GALNTL6: variants seen among roughly 807,000 people sequenced by gnomAD.
The protein encoded by GALNTL6 is polypeptide N-acetylgalactosaminyltransferase-like 6.
A neutral mutation model predicts 73.7 loss-of-function variants in GALNTL6; 46 were observed. The observed-to-expected ratio is 0.62, with a 90% CI of 0.49 to 0.80. The LOEUF (loss-of-function observed/expected upper bound fraction) is 0.80. Among genes scored for constraint, GALNTL6 ranks in the 30% least tolerant of loss-of-function variants. The probability of loss-of-function intolerance (pLI) is 0.00; values close to 1 mark genes in which losing one functional copy is unlikely to be tolerated. For missense variants in GALNTL6, 604 were observed against 755.0 expected (o/e 0.80, Z 2.34); for synonymous variants, 259 against 263.7 (o/e 0.98, Z 0.17).
chr4:172,277,868 A>G (rs1371616206), intron 3 of GALNTL6, among the ~76,000 whole-genome samples: 1 of 152,228 alleles, frequency 6.6e-6, no homozygotes, highest in Non-Finnish European at 1.5e-5. Flanking sequence ...ATGCAAATCC[A>G]GAATATGTTA....
At chr4:171,907,526 T>C (rs1484776787) in intron 2 of GALNTL6, among the ~76,000 whole-genome samples, 2 of 151,964 alleles carry the variant, frequency 1.3e-5, no homozygotes, top group Non-Finnish European at 2.9e-5. Flanking sequence ...TATTCCATGC[T>C]CATGGGTAGG....
At chr4:172,703,143 T>A (rs1734126973) in intron 5 of GALNTL6, among the ~76,000 whole-genome samples, 1 of 152,020 alleles carries the variant, frequency 6.6e-6, no homozygotes, top group African/African-American at 2.4e-5. Flanking sequence ...CTTATATTTT[T>A]AAAAAATCTT....
intron 3 of GALNTL6, among the ~76,000 whole-genome samples, chr4:172,294,384 A>G (rs981604960): frequency 6.6e-6 from 1 of 152,196 alleles, no homozygotes; most frequent in Non-Finnish European, 1.5e-5. Context: ...TGTTCAGTCC[A>G]TGACATTCTG....
intron 3 of GALNTL6, among the ~76,000 whole-genome samples, chr4:172,259,227 T>C (rs933708337): frequency 3.3e-5 from 5 of 151,490 alleles, no homozygotes; most frequent in African/African-American, 1.2e-4. Flanking sequence ...CCACCAACAG[T>C]GTAAAAGTGT....
At chr4:172,560,367 G>A (rs1477476940) in intron 5 of GALNTL6, among the ~76,000 whole-genome samples, 1 of 151,934 alleles carries the variant, frequency 6.6e-6, no homozygotes, top group Non-Finnish European at 1.5e-5. Flanking sequence ...GCGTGATGGT[G>A]CACACCTATA....
chr4:172,305,303 G>C (rs1019681619), intron 3 of GALNTL6, among the ~76,000 whole-genome samples: 1 of 151,980 alleles, frequency 6.6e-6, no homozygotes, highest in Non-Finnish European at 1.5e-5. Context: ...TAGTATCAAA[G>C]ACATATTTGT....
chr4:171,892,853 T>C (rs1312127425), intron 2 of GALNTL6, among the ~76,000 whole-genome samples: 1 of 152,198 alleles, frequency 6.6e-6, no homozygotes. Flanking sequence ...TGAGCCCCCA[T>C]GCTCAGCCAC....
intron 5 of GALNTL6, among the ~76,000 whole-genome samples, chr4:172,679,275 G>T (rs1307671654): frequency 6.6e-6 from 1 of 152,062 alleles, no homozygotes; most frequent in Admixed American, 6.5e-5. Flanking sequence ...GCCTGGTGTG[G>T]TGGCAGGCGC....
At chr4:172,030,492 C>A (rs1741733909) in intron 2 of GALNTL6, among the ~76,000 whole-genome samples, 2 of 152,030 alleles carry the variant, frequency 1.3e-5, no homozygotes, top group South Asian at 4.2e-4. Flanking sequence ...AGGTGGATCA[C>A]CTGAGGTCAG....
chr4:171,832,367 T>C (rs1436479967), intron 2 of GALNTL6, among the ~76,000 whole-genome samples: 1 of 151,538 alleles, frequency 6.6e-6, no homozygotes, highest in East Asian at 1.9e-4. Context: ...ATCTCATGAA[T>C]TAATTTATTT....
At chr4:172,503,472 A>G (rs1734332766) in intron 5 of GALNTL6, among the ~76,000 whole-genome samples, 1 of 148,144 alleles carries the variant, frequency 6.8e-6, no homozygotes, top group South Asian at 2.1e-4. Context: ...TTTTCAATAC[A>G]GGATCATGAG....
At chr4:172,495,417 GGT>G (rs1323401275) in intron 5 of GALNTL6, among the ~76,000 whole-genome samples, 1 of 152,168 alleles carries the variant, frequency 6.6e-6, no homozygotes, top group Non-Finnish European at 1.5e-5. Context: ...ACTATTAGCT[GGT>G]TAACACTTTC....
chr4:172,314,915 A>G (rs1740491585), intron 4 of GALNTL6, among the ~76,000 whole-genome samples: 1 of 151,866 alleles, frequency 6.6e-6, no homozygotes, highest in African/African-American at 2.4e-5. Context: ...AGGCCTGCAT[A>G]GGGATTTTTT....
At chr4:172,548,032 G>A (rs953689670) in intron 5 of GALNTL6, among the ~76,000 whole-genome samples, 8 of 152,162 alleles carry the variant, frequency 5.3e-5, no homozygotes, top group Non-Finnish European at 8.8e-5. Flanking sequence ...AGACAAGAAA[G>A]ACAAATGACT....
chr4:172,876,687 T>C (rs775043062), intron 7 of GALNTL6, among the ~76,000 whole-genome samples: 19 of 152,154 alleles, frequency 1.2e-4, no homozygotes, highest in Non-Finnish European at 2.2e-4. Context: ...GTAAACAAAT[T>C]ATAAAAAATG....
chr4:172,052,488 C>G, intron 2 of GALNTL6: 2 of 1,535,194 alleles, frequency 1.3e-6, no homozygotes, highest in South Asian at 1.2e-5. Flanking sequence ...CAGAGGAATC[C>G]AAGCATTAGT....
In GALNTL6 at chr4:173,021,629, A is replaced by G; in HGVS notation, c.1638+4A>G. 6.2e-7 allele frequency: 1 copy of G among 1,613,888 alleles called. No individual in the cohort carries two copies. The highest frequency in any genetic ancestry group is 8.5e-7 in the Non-Finnish European group (1 of 1,179,846). ...CCAGCTCTGGGGATACCGGAAGGTA[A>G]GAGTCAGTCCACTGTGGTCATTCTC... On this transcript the variant is annotated splice_donor_region_variant and intron_variant, in intron 12 of 12. Coordinates refer to ENST00000506823, the MANE Select transcript of GALNTL6 (RefSeq NM_001034845.3).
intron 5 of GALNTL6, among the ~76,000 whole-genome samples, chr4:172,692,653 T>A (rs1234857312): frequency 6.6e-6 from 1 of 152,202 alleles, no homozygotes; most frequent in Non-Finnish European, 1.5e-5. Context: ...GTTTGCACTC[T>A]TATTTTTTAT....
intron 2 of GALNTL6, among the ~76,000 whole-genome samples, chr4:171,993,159 G>A (rs1740388896): frequency 6.6e-6 from 1 of 151,556 alleles, no homozygotes; most frequent in Admixed American, 6.6e-5. Context: ...TCAGACAATG[G>A]AATGGGTAAA....
Sources: gnomAD v4.1 joint callset for allele counts (sites outside exome capture counted in the v4.1 genomes callset) on GRCh38, gnomAD v4.1.1 for gene constraint, MANE v1.5 for transcripts, NCBI Gene and HGNC (gene_info 2026-07-23, HGNC 2026-07-21) for gene names.